The following BMS1 variants were observed in gnomAD, a reference collection of about 807,000 sequenced individuals.
BMS1 encodes BMS1 ribosome biogenesis factor, also known as ribosome biogenesis protein BMS1 homolog.
BMS1 carries 53 observed loss-of-function variants against 138.7 expected under a neutral mutation model. The observed-to-expected ratio is 0.38, with a 90% CI of 0.31 to 0.48. The LOEUF is 0.48. Ranked by LOEUF, BMS1 falls within the 20% of genes least tolerant of loss-of-function variation. BMS1 has a pLI of 0.97. For missense variants in BMS1, 1,360 were observed against 1,565.5 expected (o/e 0.87, Z 2.22); for synonymous variants, 504 against 539.9 (o/e 0.93, Z 0.92).
At chr10:42,801,237 A>G (rs7908372) in intron 12 of BMS1, among the ~76,000 whole-genome samples, 16,693 of 152,240 alleles carry the variant, frequency 0.11, 1,060 homozygotes, top group African/African-American at 0.17. Flanking sequence ...CAGTTCACAT[A>G]CAGGACTACA....
chr10:42,830,475 T>C lies in BMS1; in HGVS notation c.3618+53T>C, dbSNP rs1032857215. ...CTGCGTTTAGATAGGAAAAGAACAC[T>C]CTCAATAGCACACTTCCTGTTTCTA... is the stretch of plus-strand genomic sequence containing the variant. On this transcript the variant is annotated intron_variant, in intron 22 of 22. Coordinates refer to ENST00000374518, the MANE Select transcript of BMS1 (RefSeq NM_014753.4). 48 of 1,556,588 alleles carry C rather than the reference T, an allele frequency of 3.1e-5. 1 individual carries two copies. Among genetic ancestry groups the C allele is most frequent in the Non-Finnish European group, 4.1e-5 (47 of 1,156,246 alleles).
At position 42,785,623 on chromosome 10, in the gene BMS1, T is replaced by C. The variant is rs535925401; in HGVS notation, c.318T>C (p.Phe106=). 264 of 1,613,952 alleles carry C rather than the reference T, an allele frequency of 1.6e-4. 4 individuals are homozygous for C. The South Asian group carries it at 2.6e-3, about 16-fold the overall frequency. The change falls in exon 3 of 23, where the codon TTT becomes TTC. Residue 106 remains phenylalanine, a synonymous_variant. Coordinates refer to ENST00000374518, the MANE Select transcript of BMS1 (RefSeq NM_014753.4). ...TGATACAATGCCTCATTCGGAACTTTACCCGGCAGAAGTTGACTGAGATCA... is the reference window on the plus strand; with the variant it reads ...TGATACAATGCCTCATTCGGAACTTCACCCGGCAGAAGTTGACTGAGATCA... ...STLIQCLIRN[F]TRQKLTEIRG... is the part of the protein sequence containing the mutation.
At chr10:42,816,285 T>TG (rs1364684440) in intron 13 of BMS1, among the ~76,000 whole-genome samples, 2 of 151,982 alleles carry the variant, frequency 1.3e-5, no homozygotes, top group African/African-American at 4.8e-5. Context: ...GGTGACAGAG[T>TG]GAGACTCTGT....
chr10:42,827,121 T>C (rs1036883401), intron 21 of BMS1, among the ~76,000 whole-genome samples: 7 of 152,120 alleles, frequency 4.6e-5, no homozygotes, highest in Non-Finnish European at 2.9e-5. Flanking sequence ...GAGTGGATTG[T>C]TACCAGAGTG....
At chr10:42,807,926 G>A (rs7896943) in intron 13 of BMS1, among the ~76,000 whole-genome samples, 71,460 of 151,974 alleles carry the variant, frequency 0.47, 17,461 homozygotes, top group East Asian at 0.63. Context: ...GAGTGATCCA[G>A]TTTCTTTACA....
intron 13 of BMS1, among the ~76,000 whole-genome samples, chr10:42,815,848 T>A (rs769856966): frequency 5.3e-5 from 8 of 152,258 alleles, no homozygotes; most frequent in Non-Finnish European, 8.8e-5. Flanking sequence ...CTATGTTTTA[T>A]ATAACCTAAA....
chr10:42,826,379 C>T (rs1842646122), intron 21 of BMS1, among the ~76,000 whole-genome samples: 4 of 151,842 alleles, frequency 2.6e-5, no homozygotes, highest in Admixed American at 2.6e-4. Flanking sequence ...AAGAAGTAAA[C>T]TCCCAGGGGA....
At chr10:42,820,761 C>A in intron 17 of BMS1, 73 bp downstream of exon 17, 1 of 1,542,194 alleles carries the variant, frequency 6.5e-7, no homozygotes, top group Non-Finnish European at 8.9e-7. Context: ...TAGCTTTGTG[C>A]TTTTCTTTCA....
At chr10:42,800,489 G>A (rs1048749527) in intron 12 of BMS1, among the ~76,000 whole-genome samples, 1 of 151,060 alleles carries the variant, frequency 6.6e-6, no homozygotes, top group Non-Finnish European at 1.5e-5. Flanking sequence ...TCTTCTATTC[G>A]GTTATCCACT....
At chr10:42,792,257 G>A (rs7915796) in intron 6 of BMS1, among the ~76,000 whole-genome samples, 14,960 of 152,192 alleles carry the variant, frequency 0.098, 874 homozygotes, top group African/African-American at 0.13. Flanking sequence ...CCAGGTGGAC[G>A]TCATCTCCCT....
chr10:42,791,543 C>T (rs1170288036), intron 5 of BMS1, 84 bp from the exon 6 acceptor site: 61 of 1,335,022 alleles, frequency 4.6e-5, no homozygotes, highest in Non-Finnish European at 5.9e-5. Context: ...CTTAGGATTG[C>T]TTCTTGTTTA....
intron 4 of BMS1, 50 bp from the exon 5 acceptor site, chr10:42,790,273 G>A: frequency 6.3e-7 from 1 of 1,594,996 alleles, no homozygotes; most frequent in Non-Finnish European, 8.6e-7. Flanking sequence ...CCTTAGTGTA[G>A]GTGGTCTGTT....
rs1484302948 is a variant in BMS1, at chr10:42,834,194, A to C, written c.*3098A>C. ...TGCCATTAAATATTCTTATTTAATC[A>C]TAGATGTGTTCAGGTGTGTTTGGTT... On this transcript the variant is annotated 3_prime_UTR_variant, in exon 23 of 23. Coordinates refer to ENST00000374518, the MANE Select transcript of BMS1 (RefSeq NM_014753.4). 1 of 152,204 alleles carries C rather than the reference A, an allele frequency of 6.6e-6. No homozygotes were observed. Among genetic ancestry groups the C allele is most frequent in the African/African-American group, 2.4e-5 (1 of 41,442 alleles). The allele number at this position is 152,204 out of a possible 1,614,324, so 9.4% of individuals were successfully genotyped here.
At chr10:42,811,123 A>C (rs904043757) in intron 13 of BMS1, among the ~76,000 whole-genome samples, 12 of 151,188 alleles carry the variant, frequency 7.9e-5, no homozygotes, top group African/African-American at 2.9e-4. Context: ...GCTCCCCGCA[A>C]CCTCCACCTC....
rs1241642681 is a variant in BMS1, at chr10:42,833,510, C to T, written c.*2414C>T. 3 of 152,362 alleles carry T rather than the reference C, an allele frequency of 2.0e-5. No homozygotes were observed. The East Asian group carries it at 5.8e-4, about 29-fold the overall frequency. 9.4% of individuals were successfully genotyped at this position (152,362 alleles called of 1,614,324 possible). ...GGCTCTATGGTATGGCCTGTTGCTC[C>T]TAGGCTACAAACCTGGGCAGCATGT... On this transcript the variant is annotated 3_prime_UTR_variant, in exon 23 of 23. Transcript: ENST00000374518.
At chr10:42,805,229 C>A (rs1419214925) in intron 13 of BMS1, among the ~76,000 whole-genome samples, 2 of 152,032 alleles carry the variant, frequency 1.3e-5, no homozygotes, top group African/African-American at 4.8e-5. Flanking sequence ...TTCCCTGCAC[C>A]ATCTGCTGAA....
intron 9 of BMS1, among the ~76,000 whole-genome samples, chr10:42,794,764 C>CT (rs200428735): frequency 0.14 from 20,189 of 146,140 alleles, 1,746 homozygotes; most frequent in Middle Eastern, 0.2. Flanking sequence ...TCATTTCCTT[C>CT]TTTTTTTTTT....
chr10:42,811,822 C>T (rs1396181197), intron 13 of BMS1, among the ~76,000 whole-genome samples: 1 of 152,024 alleles, frequency 6.6e-6, no homozygotes, highest in African/African-American at 2.4e-5. Context: ...CCGCGCCCGG[C>T]CTCACGTGTT....
At chr10:42,812,219 C>T (rs1162966490) in intron 13 of BMS1, among the ~76,000 whole-genome samples, 1 of 152,202 alleles carries the variant, frequency 6.6e-6, no homozygotes, top group Non-Finnish European at 1.5e-5. Flanking sequence ...GAACATGACT[C>T]ACTGCAGCCT....
Sources: gnomAD v4.1 joint callset for allele counts (sites outside exome capture counted in the v4.1 genomes callset) on GRCh38, gnomAD v4.1.1 for gene constraint, MANE v1.5 for transcripts, NCBI Gene and HGNC (gene_info 2026-07-23, HGNC 2026-07-21) for gene names.